The following DGKG variants were observed in gnomAD, a reference collection of about 807,000 sequenced individuals.
DGKG encodes the protein DAG kinase gamma.
Under a neutral mutation model 105.3 loss-of-function variants are expected in DGKG, and 78 were observed. That is an observed-to-expected ratio of 0.74 (90% CI 0.62 to 0.89). DGKG has a LOEUF of 0.89. DGKG is among the 40% of genes least tolerant of loss of function. DGKG has a pLI of 0.00. For synonymous variants in DGKG, 346 were observed against 367.1 expected, an observed-to-expected ratio of 0.94 and a Z score of 0.66; for missense variants, 958 against 1,020.1, an observed-to-expected ratio of 0.94 and a Z score of 0.83.
intron 3 of DGKG, among the ~76,000 whole-genome samples, chr3:186,300,364 T>C (rs944155807): frequency 1.3e-5 from 2 of 152,222 alleles, no homozygotes; most frequent in African/African-American, 4.8e-5. Flanking sequence ...CCCATTCGGA[T>C]TGGATCCTAG....
rs200363388 is a variant in DGKG, at chr3:186,267,700, T to C, written c.1194A>G (p.Ile398Met). 3.7e-5 allele frequency: 60 copies of C among 1,613,774 alleles called. No homozygotes were observed. Among genetic ancestry groups the C allele is most frequent in the Admixed American group, 3.3e-4 (20 of 60,004 alleles). ...LRDHILLPTSICPITRDRPGE... is the reference protein window; with the variant it reads ...LRDHILLPTSMCPITRDRPGE... Reference sequence around the variant, plus strand: ...GAGCACTTACCCGGGTGATGGGGCATATGGAGGTGGGCAGTAAGATGTGGT... The same window carrying C: ...GAGCACTTACCCGGGTGATGGGGCACATGGAGGTGGGCAGTAAGATGTGGT... The change falls in exon 13 of 25, where the codon ATA (isoleucine) becomes ATG (methionine). Residue 398 changes from isoleucine (I) to methionine (M), a missense_variant. Physicochemically the swap from Ile to Met is conservative, Grantham distance 10 (BLOSUM62 1). Around this residue, in one of 2 missense-constraint regions of DGKG, gnomAD observed 643 missense variants for 619.5 expected, o/e 1.04. Transcript: ENST00000265022.
At chr3:186,244,760 C>A (rs1720857930) in intron 19 of DGKG, among the ~76,000 whole-genome samples, 1 of 152,124 alleles carries the variant, frequency 6.6e-6, no homozygotes, top group African/African-American at 2.4e-5. Context: ...GGAGAGGCAC[C>A]CCCATGGGTG....
At chr3:186,323,701 C>T (rs1725190281) in intron 1 of DGKG, among the ~76,000 whole-genome samples, 1 of 152,064 alleles carries the variant, frequency 6.6e-6, no homozygotes, top group South Asian at 2.1e-4. Flanking sequence ...CTTTGGGAGG[C>T]CGAGACGGGC....
At chr3:186,317,752 C>T (rs1724886489) in intron 2 of DGKG, among the ~76,000 whole-genome samples, 2 of 152,176 alleles carry the variant, frequency 1.3e-5, no homozygotes, top group South Asian at 2.1e-4. Context: ...TTCTGAGCAC[C>T]GGCTATACTG....
chr3:186,239,377 G>A (rs1043763848), intron 20 of DGKG, among the ~76,000 whole-genome samples: 26 of 152,200 alleles, frequency 1.7e-4, no homozygotes, highest in African/African-American at 6.0e-4. Context: ...TGATAATGCC[G>A]TTTACATTTC....
intron 21 of DGKG, among the ~76,000 whole-genome samples, chr3:186,202,555 G>A (rs999482761): frequency 7.9e-5 from 12 of 152,210 alleles, no homozygotes; most frequent in African/African-American, 2.9e-4. Flanking sequence ...AAAAGTCTAG[G>A]TCATTTCCCA....
At chr3:186,236,649 G>T (rs981638797) in intron 20 of DGKG, among the ~76,000 whole-genome samples, 1 of 152,190 alleles carries the variant, frequency 6.6e-6, no homozygotes, top group Non-Finnish European at 1.5e-5. Context: ...AGCTACATTA[G>T]GGCTTCTGGG....
chr3:186,286,680 T>C (rs1723085315), intron 6 of DGKG, among the ~76,000 whole-genome samples: 1 of 152,196 alleles, frequency 6.6e-6, no homozygotes, highest in East Asian at 1.9e-4. Context: ...GGATATAAAT[T>C]GATATGGTTT....
intron 2 of DGKG, among the ~76,000 whole-genome samples, chr3:186,316,421 A>G (rs1724822803): frequency 6.6e-6 from 1 of 152,230 alleles, no homozygotes; most frequent in African/African-American, 2.4e-5. Flanking sequence ...TTTGATATCT[A>G]TATTTATACT....
At chr3:186,174,088 G>A (rs1716956803) in intron 22 of DGKG, among the ~76,000 whole-genome samples, 1 of 152,246 alleles carries the variant, frequency 6.6e-6, no homozygotes, top group East Asian at 1.9e-4. Context: ...TTCGGACAGA[G>A]TTGGGTCTGA....
chr3:186,231,442 T>C lies in DGKG; in HGVS notation c.1826+11062A>G, dbSNP rs74763474. ...AGCCTCACTTTTCTCATCTGTAAGA[T>C]GGATCAATAATACTTACACTTGGTG... is the stretch of plus-strand genomic sequence containing the variant. On this transcript the variant is annotated intron_variant, in intron 20 of 24. Transcript: ENST00000265022. The surrounding 1 kb of genome is among the most constrained non-coding windows in gnomAD (Gnocchi z 4.5). Among the ~76,000 whole-genome samples, 857 of 152,278 alleles carry C rather than the reference T, an allele frequency of 5.6e-3. 8 individuals are homozygous for C. Among genetic ancestry groups the C allele is most frequent in the African/African-American group, 0.019 (804 of 41,552 alleles).
At chr3:186,214,564 C>A (rs1163433621) in intron 20 of DGKG, among the ~76,000 whole-genome samples, 2 of 152,070 alleles carry the variant, frequency 1.3e-5, no homozygotes, top group African/African-American at 4.8e-5. Flanking sequence ...AATTATGTGT[C>A]TTGATTTTTG....
intron 2 of DGKG, among the ~76,000 whole-genome samples, chr3:186,309,521 C>A (rs1724414697): frequency 6.6e-6 from 1 of 152,156 alleles, no homozygotes; most frequent in African/African-American, 2.4e-5. Flanking sequence ...TAACATCACA[C>A]ATATATGTTA....
Position 186,226,381 on chromosome 3 carries a change from C to T in DGKG, c.1827-14496G>A, listed in dbSNP as rs1020761883. Among the ~76,000 whole-genome samples, 1 of 152,266 alleles carries T rather than the reference C, an allele frequency of 6.6e-6. No individual in the cohort carries two copies. The highest frequency in any genetic ancestry group is 1.9e-4 in the East Asian group (1 of 5,186). ...AATGTGTACAAGGCATGAACCAGAA[C>T]GTCAGCTCAAATCAGAGGGCATCCC... On this transcript the variant is annotated intron_variant, in intron 20 of 24. Coordinates refer to ENST00000265022, the MANE Select transcript of DGKG (RefSeq NM_001346.3). This position sits in a 1 kb window ranked among gnomAD's most constrained non-coding sequence, Gnocchi z 4.2.
chr3:186,319,787 G>C (rs1724994587), intron 2 of DGKG, among the ~76,000 whole-genome samples: 1 of 152,218 alleles, frequency 6.6e-6, no homozygotes, highest in South Asian at 2.1e-4. Context: ...GTCTTGCACT[G>C]AATTGGTTCT....
At chr3:186,253,034 G>A (rs1475422373) in intron 18 of DGKG, 59 bp downstream of exon 18, 25 of 1,448,436 alleles carry the variant, frequency 1.7e-5, no homozygotes, top group Non-Finnish European at 2.3e-5. Context: ...GCTCTGTAGA[G>A]CATCTCTGTA....
intron 1 of DGKG, among the ~76,000 whole-genome samples, chr3:186,346,757 A>C (rs1726354942): frequency 6.6e-6 from 1 of 152,080 alleles, no homozygotes. Context: ...TTACGATGGG[A>C]TCAAAATATC....
rs1242913134 is a variant in DGKG, at chr3:186,210,320, G to A, written c.1917+1475C>T. 6.6e-6 allele frequency among the ~76,000 whole-genome samples: 1 copy of A among 152,218 alleles called. No individual in the cohort carries two copies. The highest frequency in any genetic ancestry group is 1.5e-5 in the Non-Finnish European group (1 of 68,042). Reference sequence around the variant, plus strand: ...AAAAAATGCACACATATCCCTGTTAGCCACACTCGGTTCCCCTGCCAAGGC... The same window carrying A: ...AAAAAATGCACACATATCCCTGTTAACCACACTCGGTTCCCCTGCCAAGGC... On this transcript the variant is annotated intron_variant, in intron 21 of 24. Coordinates refer to ENST00000265022, the MANE Select transcript of DGKG (RefSeq NM_001346.3). The surrounding 1 kb of genome is among the most constrained non-coding windows in gnomAD (Gnocchi z 5.2).
At chr3:186,350,942 T>G (rs1726602274) in intron 1 of DGKG, among the ~76,000 whole-genome samples, 1 of 152,158 alleles carries the variant, frequency 6.6e-6, no homozygotes, top group Non-Finnish European at 1.5e-5. Flanking sequence ...TGAATTGGGT[T>G]TTTTTGTTGC....
Sources: allele counts gnomAD v4.1 joint callset (sites outside exome capture counted in the v4.1 genomes callset), GRCh38; gene constraint gnomAD v4.1.1; regional missense constraint gnomAD v4.1.1; non-coding constraint Gnocchi (gnomAD v3.1); transcripts MANE v1.5; gene names NCBI Gene and HGNC (gene_info 2026-07-23, HGNC 2026-07-21).